Variants in ZBTB20 observed in about 807,000 individuals in gnomAD.
ZBTB20 encodes the protein zinc finger and BTB domain containing 20.
ZBTB20 carries 9 observed loss-of-function variants against 56.9 expected under a neutral mutation model. The observed-to-expected ratio is 0.16, with a 90% confidence interval of 0.10 to 0.28. The LOEUF (loss-of-function observed/expected upper bound fraction) is 0.28, where lower values mean the gene tolerates loss of function less well. Ranked by LOEUF, ZBTB20 falls within the 10% of genes least tolerant of loss-of-function variation. The pLI, the probability that ZBTB20 is intolerant of heterozygous loss-of-function variation, is 1.00. For missense variants in ZBTB20, 655 were observed against 1,003.0 expected (o/e 0.65, Z 4.69); for synonymous variants, 417 against 420.7 (o/e 0.99, Z 0.11).
At chr3:114,458,431 A>G (rs1436603880) in intron 7 of ZBTB20, among the ~76,000 whole-genome samples, 1 of 152,212 alleles carries the variant, frequency 6.6e-6, no homozygotes, top group African/African-American at 2.4e-5. Flanking sequence ...ATTGTAAAAT[A>G]AAGATAACTA....
At chr3:114,385,172 T>C (rs1193345321) in intron 8 of ZBTB20, among the ~76,000 whole-genome samples, 1 of 152,158 alleles carries the variant, frequency 6.6e-6, no homozygotes, top group Non-Finnish European at 1.5e-5. Flanking sequence ...AACCTCCTAT[T>C]GGCTCATGAT....
chr3:114,603,835 T>C (rs1406968622), intron 6 of ZBTB20, among the ~76,000 whole-genome samples: 1 of 151,890 alleles, frequency 6.6e-6, no homozygotes, highest in Non-Finnish European at 1.5e-5. Context: ...AAACTAAAAC[T>C]ATACCGAGAT....
At chr3:114,983,317 T>C (rs867675195) in intron 2 of ZBTB20, among the ~76,000 whole-genome samples, 8 of 152,170 alleles carry the variant, frequency 5.3e-5, no homozygotes, top group African/African-American at 1.7e-4. Context: ...GGTATTCGTC[T>C]CTACTCTGTC....
In ZBTB20 at chr3:114,327,485, GA is replaced by G; in HGVS notation, c.*11519del. ...AGGAGTTAGAATGGACAAAGAAAAAGAAGGATATAGGATTGATTGGGAGAAC... is the reference window on the plus strand; with the variant it reads ...AGGAGTTAGAATGGACAAAGAAAAAGAGGATATAGGATTGATTGGGAGAAC... On this transcript the variant is annotated 3_prime_UTR_variant, in exon 12 of 12. Coordinates refer to ENST00000675478, the MANE Select transcript of ZBTB20 (RefSeq NM_001348800.3). The G allele has an allele frequency of 6.6e-6, 1 of 152,146 alleles. No individual in the cohort carries two copies. Among genetic ancestry groups the G allele is most frequent in the Admixed American group, 6.5e-5 (1 of 15,284 alleles). The allele number at this position is 152,146 out of a possible 1,614,324, so 9.4% of individuals were successfully genotyped here. A position where few individuals can be genotyped will look rare whatever the true frequency, so the allele number is the denominator to read the frequency against.
chr3:114,474,336 T>C (rs913255363), intron 7 of ZBTB20, among the ~76,000 whole-genome samples: 7 of 152,250 alleles, frequency 4.6e-5, no homozygotes, highest in African/African-American at 1.7e-4. Context: ...TTTTGTGTGT[T>C]TGCATGCATA....
intron 3 of ZBTB20, among the ~76,000 whole-genome samples, chr3:114,923,972 C>T (rs1025386696): frequency 6.6e-6 from 1 of 152,048 alleles, no homozygotes. Context: ...TTAAAAAGTG[C>T]TCAACATCAA....
At chr3:115,095,858 G>A (rs1228533588) in intron 1 of ZBTB20, among the ~76,000 whole-genome samples, 1 of 152,102 alleles carries the variant, frequency 6.6e-6, no homozygotes, top group Non-Finnish European at 1.5e-5. Context: ...TATGTATATT[G>A]CCTTCAGGCT....
intron 1 of ZBTB20, among the ~76,000 whole-genome samples, chr3:115,126,581 T>TG (rs1405238814): frequency 1.3e-5 from 2 of 152,140 alleles, no homozygotes; most frequent in African/African-American, 4.8e-5. Context: ...ATCTTAATGT[T>TG]GAAAAAAAAG....
chr3:114,901,590 G>A (rs1576277532), intron 3 of ZBTB20, among the ~76,000 whole-genome samples: 2 of 151,996 alleles, frequency 1.3e-5, no homozygotes. Context: ...ATGTAAAAAA[G>A]ATAATTTTTA....
At chr3:115,097,373 G>A (rs1282169950) in intron 1 of ZBTB20, among the ~76,000 whole-genome samples, 1 of 151,712 alleles carries the variant, frequency 6.6e-6, no homozygotes, top group East Asian at 1.9e-4. Flanking sequence ...TAGTAGAGAT[G>A]GGGTTTCACC....
intron 7 of ZBTB20, among the ~76,000 whole-genome samples, chr3:114,449,702 A>AAAAT (rs1553715804): frequency 8.0e-5 from 12 of 149,872 alleles, no homozygotes; most frequent in Admixed American, 6.6e-4. Flanking sequence ...AAAAAAAAAA[A>AAAAT]GGTTGCACAA....
chr3:114,508,054 C>T (rs1378819257), intron 6 of ZBTB20, among the ~76,000 whole-genome samples: 1 of 152,010 alleles, frequency 6.6e-6, no homozygotes, highest in Non-Finnish European at 1.5e-5. Context: ...ATTTCATAAA[C>T]CTCATATTGA....
chr3:114,417,685 A>G (rs1052111688), intron 7 of ZBTB20, among the ~76,000 whole-genome samples: 1 of 152,064 alleles, frequency 6.6e-6, no homozygotes, highest in Non-Finnish European at 1.5e-5. Flanking sequence ...GGACAGCCTT[A>G]TGGAAATCCT....
intron 11 of ZBTB20, among the ~76,000 whole-genome samples, chr3:114,344,882 T>C (rs985738907): frequency 6.6e-6 from 1 of 152,132 alleles, no homozygotes; most frequent in African/African-American, 2.4e-5. Context: ...AAAATTACCG[T>C]ATGTGCAGAG....
chr3:114,710,403 C>G lies in ZBTB20; in HGVS notation c.-342-16828G>C, dbSNP rs199972955. 5 of 152,190 alleles carry G rather than the reference C, an allele frequency of 3.3e-5. No individual in the cohort carries two copies. In the East Asian group the frequency reaches 7.7e-4, roughly 23 times the overall value. 9.4% of individuals were successfully genotyped at this position (152,190 alleles called of 1,614,324 possible). A position where few individuals can be genotyped will look rare whatever the true frequency, so the allele number is the denominator to read the frequency against. The stretch of plus-strand genomic sequence containing the variant: ...CTGAACTCCTGTCTCATGTATCCAA[C>G]TGCCTACTACATCTCTTTATTTGGA... On this transcript the variant is annotated intron_variant, in intron 5 of 11. Coordinates refer to ENST00000675478, the MANE Select transcript of ZBTB20 (RefSeq NM_001348800.3).
chr3:114,371,365 T>C (rs940604659), intron 10 of ZBTB20, among the ~76,000 whole-genome samples: 3 of 152,232 alleles, frequency 2.0e-5, no homozygotes, highest in Non-Finnish European at 4.4e-5. Flanking sequence ...TGTGTCCTCA[T>C]GGAACTCACT....
chr3:115,084,211 C>T (rs895619494), intron 1 of ZBTB20, among the ~76,000 whole-genome samples: 19 of 141,810 alleles, frequency 1.3e-4, no homozygotes, highest in Non-Finnish European at 7.6e-5. Flanking sequence ...AGGTAAGTAG[C>T]AACTGTCACA....
At chr3:115,029,295 T>C (rs571508429) in intron 2 of ZBTB20, among the ~76,000 whole-genome samples, 5 of 149,472 alleles carry the variant, frequency 3.3e-5, no homozygotes, top group Non-Finnish European at 6.0e-5. Flanking sequence ...CTAAAACAGT[T>C]CATAAATTTA....
chr3:114,687,580 T>C lies in ZBTB20; in HGVS notation c.-295+5948A>G, dbSNP rs561747605. The stretch of plus-strand genomic sequence containing the variant: ...GATTTACTTGCTTAAGGAAAATAAA[T>C]AGGTAAATAAATAAAAGGAGTTGAA... On this transcript the variant is annotated intron_variant, in intron 6 of 11. Coordinates refer to ENST00000675478, the MANE Select transcript of ZBTB20 (RefSeq NM_001348800.3). The C allele has an allele frequency of 1.0e-3, 72 of 69,680 alleles. 1 individual carries two copies. Among genetic ancestry groups the C allele is most frequent in the Admixed American group, 1.9e-3 (14 of 7,514 alleles). The allele number at this position is 69,680 out of a possible 1,614,324, so 4.3% of individuals were successfully genotyped here.
Sources: gnomAD v4.1 joint callset for allele counts (sites outside exome capture counted in the v4.1 genomes callset) on GRCh38, gnomAD v4.1.1 for gene constraint, MANE v1.5 for transcripts, NCBI Gene and HGNC (gene_info 2026-07-23, HGNC 2026-07-21) for gene names.